Variants in ASAP1 observed in about 807,000 individuals in gnomAD.
The protein encoded by ASAP1 is arf-GAP with SH3 domain, ANK repeat and PH domain-containing protein 1.
A neutral mutation model predicts 145.2 loss-of-function variants in ASAP1; 43 were observed. That is an observed-to-expected ratio of 0.30 (90% CI 0.23 to 0.38). The LOEUF (loss-of-function observed/expected upper bound fraction) is 0.38. Ranked by LOEUF, ASAP1 falls within the 10% of genes least tolerant of loss-of-function variation. The pLI is 1.00. For missense variants in ASAP1, 1,018 were observed against 1,355.3 expected, an observed-to-expected ratio of 0.75 and a Z score of 3.91; for synonymous variants, 546 against 515.5, an observed-to-expected ratio of 1.06 and a Z score of -0.80.
At position 130,107,180 on chromosome 8, in the gene ASAP1, C is replaced by CTTTT. The variant is rs375105720; in HGVS notation, c.2401+4913_2401+4914insAAAA. ...GAAGAACTATAGTCTCTCTCTTCTTCTTCTTTTTTTTTTTTTTTTTGAGAC... is the reference window on the plus strand; with the variant it reads ...GAAGAACTATAGTCTCTCTCTTCTTCTTTTTTCTTTTTTTTTTTTTTTTTGAGAC... On this transcript the variant is annotated intron_variant, in intron 24 of 29. Coordinates refer to ENST00000518721, the MANE Select transcript of ASAP1 (RefSeq NM_018482.4). Among the ~76,000 whole-genome samples, 856 of 113,730 alleles carry CTTTT rather than the reference C, an allele frequency of 7.5e-3. 46 individuals are homozygous for CTTTT. The highest frequency in any genetic ancestry group is 0.045 in the South Asian group (134 of 3,008). 74.6% of individuals were successfully genotyped at this position (113,730 alleles called of 152,430 possible). A position where few individuals can be genotyped will look rare whatever the true frequency, so the allele number is the denominator to read the frequency against.
At chr8:130,401,777 A>G (rs1828807459) in intron 2 of ASAP1, 108 bp downstream of exon 2, 1 of 1,001,814 alleles carries the variant, frequency 1.0e-6, no homozygotes, top group African/African-American at 1.6e-5. Flanking sequence ...TCTCTGTTAG[A>G]TTCCAGTGCT....
At chr8:130,248,413 C>T (rs902366952) in intron 3 of ASAP1, among the ~76,000 whole-genome samples, 6 of 152,094 alleles carry the variant, frequency 3.9e-5, no homozygotes, top group Non-Finnish European at 2.9e-5. Flanking sequence ...AAAACAGGCC[C>T]TTGTTGTTAA....
At chr8:130,401,241 T>C (rs1047537884) in intron 2 of ASAP1, among the ~76,000 whole-genome samples, 13 of 151,492 alleles carry the variant, frequency 8.6e-5, no homozygotes, top group South Asian at 4.2e-4. Context: ...TTTTATTTTA[T>C]TGTACTTTTA....
intron 13 of ASAP1, among the ~76,000 whole-genome samples, chr8:130,141,333 C>T (rs1489474402): frequency 6.6e-6 from 1 of 152,134 alleles, no homozygotes; most frequent in African/African-American, 2.4e-5. Context: ...GTTCCTTTGG[C>T]TGAGGAGGGG....
intron 20 of ASAP1, among the ~76,000 whole-genome samples, chr8:130,117,561 T>C (rs996811820): frequency 2.0e-5 from 3 of 152,236 alleles, no homozygotes; most frequent in African/African-American, 4.8e-5. Context: ...TCATCATCTG[T>C]TGCTTACAGA....
chr8:130,398,298 T>A (rs1377887539), intron 2 of ASAP1, among the ~76,000 whole-genome samples: 1 of 152,184 alleles, frequency 6.6e-6, no homozygotes, highest in Non-Finnish European at 1.5e-5. Flanking sequence ...CACCCAAGGG[T>A]AGACCATGAA....
Position 130,300,890 on chromosome 8 carries a change from T to C in ASAP1, c.186+57127A>G, listed in dbSNP as rs370279171. Reference sequence around the variant, plus strand: ...AGCAAAAGCACATCTGTCACAATGATGATTAATCTCTAAGAAGGGGGGCTC... The same window carrying C: ...AGCAAAAGCACATCTGTCACAATGACGATTAATCTCTAAGAAGGGGGGCTC... On this transcript the variant is annotated intron_variant, in intron 3 of 29. Coordinates refer to ENST00000518721, the MANE Select transcript of ASAP1 (RefSeq NM_018482.4). 3.4e-4 allele frequency among the ~76,000 whole-genome samples: 52 copies of C among 152,286 alleles called. 1 individual carries two copies. The South Asian group carries it at 5.8e-3, about 17-fold the overall frequency.
intron 7 of ASAP1, among the ~76,000 whole-genome samples, chr8:130,184,444 T>C (rs1814580596): frequency 6.6e-6 from 1 of 152,254 alleles, no homozygotes; most frequent in Non-Finnish European, 1.5e-5. Flanking sequence ...AGAAGGCCAC[T>C]GTGTTTCCAT....
intron 26 of ASAP1, among the ~76,000 whole-genome samples, chr8:130,076,880 AG>A (rs1432598636): frequency 1.8e-4 from 27 of 151,930 alleles, no homozygotes; most frequent in African/African-American, 6.3e-4. Flanking sequence ...CTGGCTGAGG[AG>A]GCACAGTAAA....
intron 3 of ASAP1, among the ~76,000 whole-genome samples, chr8:130,265,706 A>T (rs902872831): frequency 6.6e-6 from 1 of 152,080 alleles, no homozygotes; most frequent in Non-Finnish European, 1.5e-5. Flanking sequence ...TCATGGCAAA[A>T]CCCTGTCTCG....
intron 18 of ASAP1, among the ~76,000 whole-genome samples, chr8:130,120,311 A>G (rs770250658): frequency 3.3e-5 from 5 of 152,212 alleles, no homozygotes; most frequent in Admixed American, 2.6e-4. Context: ...TACTGTGTTG[A>G]TGGATGGAGC....
chr8:130,108,108 C>T (rs903791380), intron 24 of ASAP1, among the ~76,000 whole-genome samples: 3 of 152,220 alleles, frequency 2.0e-5, no homozygotes, highest in African/African-American at 4.8e-5. Context: ...CAACAACAAG[C>T]ATCTATTGAC....
At chr8:130,181,869 A>T (rs1814379519) in intron 7 of ASAP1, among the ~76,000 whole-genome samples, 1 of 152,218 alleles carries the variant, frequency 6.6e-6, no homozygotes, top group Non-Finnish European at 1.5e-5. Flanking sequence ...GAATGCAAAG[A>T]CTAACTGATT....
chr8:130,262,826 A>C (rs1272766339), intron 3 of ASAP1, among the ~76,000 whole-genome samples: 1 of 152,186 alleles, frequency 6.6e-6, no homozygotes, highest in Non-Finnish European at 1.5e-5. Context: ...CTGTTCCATG[A>C]CCCTAAAGAC....
At chr8:130,086,601 T>TA (rs2097493731) in intron 25 of ASAP1, among the ~76,000 whole-genome samples, 1 of 152,086 alleles carries the variant, frequency 6.6e-6, no homozygotes, top group Non-Finnish European at 1.5e-5. Flanking sequence ...CTCAGGAGTT[T>TA]GAGACCAGCC....
chr8:130,133,688 C>CAA (rs138495590), intron 15 of ASAP1, among the ~76,000 whole-genome samples: 2 of 137,726 alleles, frequency 1.5e-5, no homozygotes, highest in Non-Finnish European at 3.2e-5. Flanking sequence ...AACAAACAAA[C>CAA]AAAAAAAAAA....
At chr8:130,262,629 CT>C (rs753696432) in intron 3 of ASAP1, among the ~76,000 whole-genome samples, 16 of 152,044 alleles carry the variant, frequency 1.1e-4, no homozygotes, top group Non-Finnish European at 1.8e-4. Flanking sequence ...AAAAGAACCC[CT>C]TACTTTCCAT....
chr8:130,083,678 G>A (rs2097486351), intron 25 of ASAP1: 1 of 152,182 alleles, frequency 6.6e-6, no homozygotes, highest in Non-Finnish European at 1.5e-5. Flanking sequence ...TGACACAAGG[G>A]TATTATTATT....
chr8:130,152,002 T>A (rs1481248312), intron 13 of ASAP1, among the ~76,000 whole-genome samples: 1 of 152,220 alleles, frequency 6.6e-6, no homozygotes, highest in African/African-American at 2.4e-5. Context: ...TGAAATAAAG[T>A]TTATGAAGGT....
Sources: gnomAD v4.1 joint callset for allele counts (sites outside exome capture counted in the v4.1 genomes callset) on GRCh38, gnomAD v4.1.1 for gene constraint, MANE v1.5 for transcripts, NCBI Gene and HGNC (gene_info 2026-07-23, HGNC 2026-07-21) for gene names.